The following TENM1 variants were observed in gnomAD, a reference collection of about 807,000 sequenced individuals.
TENM1 encodes teneurin-1.
TENM1 carries 35 observed loss-of-function variants against 174.8 expected under a neutral mutation model. The ratio of observed to expected loss-of-function variants is 0.20; its 90% CI spans 0.15 to 0.27. The LOEUF (loss-of-function observed/expected upper bound fraction) is 0.27, where lower values mean the gene tolerates loss of function less well. Among genes scored for constraint, TENM1 ranks in the 10% least tolerant of loss-of-function variants. The pLI, the probability that TENM1 is intolerant of heterozygous loss-of-function variation, is 1.00. For synonymous variants in TENM1, 781 were observed against 798.7 expected, an observed-to-expected ratio of 0.98 and a Z score of 0.37; for missense variants, 1,633 against 2,130.1, an observed-to-expected ratio of 0.77 and a Z score of 4.59.
At chrX:124,539,633 A>AT (rs907686620) in intron 15 of TENM1, among the ~76,000 whole-genome samples, 5 of 108,401 alleles carry the variant, frequency 4.6e-5, no homozygotes, top group East Asian at 2.9e-4. Flanking sequence ...GTTAATGGGG[A>AT]TTTTTTTTTC....
At chrX:125,050,559 CATT>C in the TENM1 span, among the ~76,000 whole-genome samples, 2 of 111,960 alleles carry the variant, frequency 1.8e-5, no homozygotes, top group East Asian at 5.7e-4. Context: ...CCCAGTCTCT[CATT>C]GTTGGACATT....
chrX:125,042,301 G>A, the TENM1 span, among the ~76,000 whole-genome samples: 1 of 111,591 alleles, frequency 9.0e-6, no homozygotes, highest in Non-Finnish European at 1.9e-5. Flanking sequence ...GAACAGTAAA[G>A]TAGGTAACTT....
chrX:124,952,370 A>G (rs866639020), intron 1 of TENM1, among the ~76,000 whole-genome samples: 7 of 96,316 alleles, frequency 7.3e-5, no homozygotes, highest in East Asian at 3.2e-4. Flanking sequence ...GTGTGTGTGT[A>G]TGTGCATCTG....
the TENM1 span, among the ~76,000 whole-genome samples, chrX:125,112,393 A>G: frequency 9.1e-6 from 1 of 110,494 alleles, no homozygotes; most frequent in African/African-American, 3.3e-5. Flanking sequence ...CTTTATGCCA[A>G]TAAGTCAATG....
chrX:124,960,505 T>C (rs772778554), intron 1 of TENM1, among the ~76,000 whole-genome samples: 6 of 111,998 alleles, frequency 5.4e-5, no homozygotes, highest in Admixed American at 2.9e-4. Flanking sequence ...CTGACACATA[T>C]TAATTTGTAA....
intron 15 of TENM1, among the ~76,000 whole-genome samples, chrX:124,545,612 T>C (rs1298452024): frequency 8.9e-6 from 1 of 112,057 alleles, no homozygotes; most frequent in Non-Finnish European, 1.9e-5. Flanking sequence ...ACAGGGATAA[T>C]GGTTGCTTTT....
intron 11 of TENM1, among the ~76,000 whole-genome samples, chrX:124,585,031 T>C (rs888322048): frequency 8.2e-5 from 9 of 109,984 alleles, no homozygotes; most frequent in Non-Finnish European, 1.7e-4. Flanking sequence ...CCCAGATTCA[T>C]AAAGCAAGTC....
At chrX:124,670,618 G>T (rs1374577972) in intron 6 of TENM1, among the ~76,000 whole-genome samples, 1 of 111,176 alleles carries the variant, frequency 9.0e-6, no homozygotes, top group African/African-American at 3.3e-5. Context: ...TGAACCCTAA[G>T]CATTAATTTT....
intron 27 of TENM1, among the ~76,000 whole-genome samples, chrX:124,401,892 C>G (rs1429481172): frequency 2.7e-5 from 3 of 112,165 alleles, no homozygotes; most frequent in Non-Finnish European, 3.8e-5. Flanking sequence ...TCCTGTGCCT[C>G]CCACACTTGC....
chrX:124,736,994 T>C, exon 4 of TENM1: 1 of 1,211,434 alleles, frequency 8.3e-7, no homozygotes, highest in Non-Finnish European at 1.1e-6. Flanking sequence ...AGGACCCAGC[T>C]GTTATGCAGA....
At chrX:124,608,764 G>A (rs1228931336) in intron 11 of TENM1, among the ~76,000 whole-genome samples, 1 of 101,691 alleles carries the variant, frequency 9.8e-6, no homozygotes, top group Admixed American at 1.1e-4. Context: ...AAGAACTGAA[G>A]CACCAGGAAG....
chrX:124,401,398 T>A (rs2060398345), intron 27 of TENM1, among the ~76,000 whole-genome samples: 1 of 112,222 alleles, frequency 8.9e-6, no homozygotes, highest in Non-Finnish European at 1.9e-5. Context: ...AAGGGGTTTC[T>A]ATGTTGTATG....
chrX:124,835,883 G>A (rs1245543446), intron 3 of TENM1, among the ~76,000 whole-genome samples: 1 of 112,247 alleles, frequency 8.9e-6, no homozygotes, highest in East Asian at 2.8e-4. Context: ...ACATAGGGAA[G>A]AGGTGTAGCT....
intron 3 of TENM1, among the ~76,000 whole-genome samples, chrX:124,852,331 C>T (rs922563944): frequency 9.1e-6 from 1 of 109,535 alleles, no homozygotes. Context: ...GAAAAAAAAT[C>T]AGGTAACTAT....
At chrX:124,550,149 T>C (rs1428447135) in intron 14 of TENM1, among the ~76,000 whole-genome samples, 1 of 111,649 alleles carries the variant, frequency 9.0e-6, no homozygotes, top group Non-Finnish European at 1.9e-5. Flanking sequence ...ACTTTGCCAG[T>C]TGGCTCAATT....
chrX:124,469,360 C>T (rs139460307), intron 22 of TENM1, among the ~76,000 whole-genome samples: 2,115 of 111,814 alleles, frequency 0.019, 43 homozygotes, highest in African/African-American at 0.063. Flanking sequence ...ACCCATCTTG[C>T]GTCATTTCAT....
the TENM1 span, among the ~76,000 whole-genome samples, chrX:125,202,560 C>A: frequency 6.3e-5 from 7 of 111,756 alleles, no homozygotes; most frequent in East Asian, 2.0e-3. Context: ...TAGAGCTTTT[C>A]TACCCCTATT....
chrX:124,809,843 GGAGAGAGAGAGAGAGAGA>G (rs4027522), intron 3 of TENM1, among the ~76,000 whole-genome samples: 1 of 78,673 alleles, frequency 1.3e-5, no homozygotes, highest in Non-Finnish European at 2.4e-5. Flanking sequence ...CATGACAGCA[GGAGAGAGAGAGAGAGAGA>G]GAGAGAGAGA....
At chrX:124,762,018 A>G (rs2054429806) in intron 3 of TENM1, among the ~76,000 whole-genome samples, 1 of 112,250 alleles carries the variant, frequency 8.9e-6, no homozygotes, top group Admixed American at 9.5e-5. Flanking sequence ...GTCTTTTACA[A>G]TTGATTTGAA....
Sources: allele counts gnomAD v4.1 joint callset (sites outside exome capture counted in the v4.1 genomes callset), GRCh38; gene constraint gnomAD v4.1.1; transcripts MANE v1.5; gene names NCBI Gene and HGNC (gene_info 2026-07-23, HGNC 2026-07-21).